The following CLIP4 variants were observed in gnomAD, a reference collection of about 807,000 sequenced individuals.
CLIP4 encodes the protein CAP-Gly domain-containing linker protein 4.
Under a neutral mutation model 73.1 loss-of-function variants are expected in CLIP4, and 47 were observed. The ratio of observed to expected loss-of-function variants is 0.64; its 90% CI spans 0.51 to 0.82. The LOEUF is 0.82. Among genes scored for constraint, CLIP4 ranks in the 40% least tolerant of loss-of-function variants. CLIP4 has a pLI of 0.00. For missense variants in CLIP4, 874 were observed against 852.9 expected, an observed-to-expected ratio of 1.02 and a Z score of -0.31; for synonymous variants, 306 against 295.4, an observed-to-expected ratio of 1.04 and a Z score of -0.37.
chr2:29,156,541 G>T, intron 10 of CLIP4, 98 bp downstream of exon 10: 1 of 834,846 alleles, frequency 1.2e-6, no homozygotes, highest in South Asian at 1.8e-5. Flanking sequence ...AAGTTTTAAA[G>T]TTGGCAAGGG....
chr2:29,150,022 T>C (rs894427139), intron 8 of CLIP4, among the ~76,000 whole-genome samples: 1 of 152,204 alleles, frequency 6.6e-6, no homozygotes, highest in African/African-American at 2.4e-5. Context: ...ACATTTTCTC[T>C]CCTTTTCGTC....
At chr2:29,153,994 T>C (rs958148367) in intron 9 of CLIP4, among the ~76,000 whole-genome samples, 4 of 152,236 alleles carry the variant, frequency 2.6e-5, no homozygotes, top group Non-Finnish European at 5.9e-5. Flanking sequence ...TAGTTGAAGC[T>C]TAAATCAATG....
chr2:29,147,410 A>G (rs937739741), intron 8 of CLIP4, among the ~76,000 whole-genome samples: 1 of 151,828 alleles, frequency 6.6e-6, no homozygotes, highest in East Asian at 1.9e-4. Flanking sequence ...TTGCCTTTGA[A>G]CCTCATTTGC....
chr2:29,103,793 A>G (rs1668121050), intron 1 of CLIP4, among the ~76,000 whole-genome samples: 1 of 151,896 alleles, frequency 6.6e-6, no homozygotes, highest in Non-Finnish European at 1.5e-5. Context: ...AGCTCATTGC[A>G]GCCTCCGCCT....
chr2:29,119,764 C>A (rs925171976), intron 1 of CLIP4, among the ~76,000 whole-genome samples: 8 of 152,096 alleles, frequency 5.3e-5, no homozygotes, highest in African/African-American at 1.9e-4. Context: ...ATATTGATAC[C>A]TATTCATCAT....
chr2:29,174,169 T>C (rs954575265), intron 14 of CLIP4, among the ~76,000 whole-genome samples: 3 of 152,096 alleles, frequency 2.0e-5, no homozygotes, highest in Admixed American at 6.6e-5. Context: ...CCCAGGCTGG[T>C]CTTGAACTCC....
At chr2:29,137,144 C>A (rs931686766) in intron 6 of CLIP4, among the ~76,000 whole-genome samples, 5 of 152,016 alleles carry the variant, frequency 3.3e-5, no homozygotes, top group African/African-American at 1.2e-4. Flanking sequence ...AAACAGTGAA[C>A]ATACCCTAGC....
In CLIP4 at chr2:29,167,667, A is replaced by G; in HGVS notation, c.1723+127A>G. The G allele has an allele frequency of 8.3e-6, 5 of 604,038 alleles. No homozygotes were observed. In the South Asian group the frequency reaches 1.7e-4, roughly 20 times the overall value. The allele number at this position is 604,038 out of a possible 1,614,324, so 37.4% of individuals were successfully genotyped here. Reference sequence around the variant, plus strand: ...GTATTTGTATAGTTTTTGTAATAATAGAACAAACATCTGTTACCTGTCCCC... The same window carrying G: ...GTATTTGTATAGTTTTTGTAATAATGGAACAAACATCTGTTACCTGTCCCC... On this transcript the variant is annotated intron_variant, in intron 14 of 15. Transcript: ENST00000320081.
chr2:29,167,779 CT>C, intron 14 of CLIP4: 1 of 350,854 alleles, frequency 2.9e-6, no homozygotes, highest in Non-Finnish European at 5.1e-6. Flanking sequence ...ATACCCCATC[CT>C]CAGGTGGAGG....
intron 14 of CLIP4, among the ~76,000 whole-genome samples, chr2:29,172,758 C>T (rs1235420813): frequency 6.6e-6 from 1 of 152,088 alleles, no homozygotes; most frequent in Non-Finnish European, 1.5e-5. Context: ...CACAACTTGT[C>T]ACTCTAGACT....
At chr2:29,143,411 T>A (rs1665918397) in intron 6 of CLIP4, among the ~76,000 whole-genome samples, 1 of 47,142 alleles carries the variant, frequency 2.1e-5, no homozygotes, top group Admixed American at 2.8e-4. Context: ...TTTTTTTTTT[T>A]TCCCTCCAGG....
chr2:29,119,223 GCA>G (rs1490487105), intron 1 of CLIP4, among the ~76,000 whole-genome samples: 1 of 152,166 alleles, frequency 6.6e-6, no homozygotes, highest in Non-Finnish European at 1.5e-5. Context: ...ACATCTGATT[GCA>G]TGAATCCTCT....
At chr2:29,112,549 G>A (rs1278040111), upstream of CLIP4, among the ~76,000 whole-genome samples, 2 of 152,234 alleles carry the variant, frequency 1.3e-5, no homozygotes, top group Non-Finnish European at 2.9e-5. Flanking sequence ...GTTGCTTACT[G>A]CTGATGTAGA....
chr2:29,171,135 T>C (rs1453772361), intron 14 of CLIP4, among the ~76,000 whole-genome samples: 1 of 152,214 alleles, frequency 6.6e-6, no homozygotes, highest in East Asian at 1.9e-4. Context: ...ATCCATAAAA[T>C]AACTTGCTGG....
intron 12 of CLIP4, 118 bp from the exon 13 acceptor site, chr2:29,163,713 T>C (rs1315190851): frequency 8.9e-6 from 8 of 903,944 alleles, no homozygotes; most frequent in Non-Finnish European, 1.3e-5. Flanking sequence ...TATCATGATC[T>C]TCCCTCATTT....
At chr2:29,131,469 A>G in intron 3 of CLIP4, 72 bp downstream of exon 3, 1 of 1,465,498 alleles carries the variant, frequency 6.8e-7, no homozygotes, top group Non-Finnish European at 9.2e-7. Flanking sequence ...TCCCCATCTG[A>G]AAGGAAGATG....
intron 4 of CLIP4, among the ~76,000 whole-genome samples, chr2:29,133,317 A>C (rs1365395668): frequency 6.6e-6 from 1 of 152,214 alleles, no homozygotes; most frequent in African/African-American, 2.4e-5. Context: ...TCCACGGAAC[A>C]CGTTTGGGGG....
chr2:29,162,597 T>C (rs1210819486), intron 12 of CLIP4, among the ~76,000 whole-genome samples: 1 of 152,060 alleles, frequency 6.6e-6, no homozygotes, highest in African/African-American at 2.4e-5. Context: ...AATGGGAAAA[T>C]GCAAAAATTA....
chr2:29,117,910 T>C (rs1663976712), intron 1 of CLIP4, among the ~76,000 whole-genome samples: 1 of 152,256 alleles, frequency 6.6e-6, no homozygotes, highest in Admixed American at 6.5e-5. Flanking sequence ...ATTTGTTAAA[T>C]GCATAAATAG....
Sources: allele counts gnomAD v4.1 joint callset (sites outside exome capture counted in the v4.1 genomes callset), GRCh38; gene constraint gnomAD v4.1.1; transcripts MANE v1.5; gene names NCBI Gene and HGNC (gene_info 2026-07-23, HGNC 2026-07-21).